CEP83: variants seen among roughly 807,000 people sequenced by gnomAD.
CEP83 encodes the protein centrosomal protein of 83 kDa.
A neutral mutation model predicts 101.9 loss-of-function variants in CEP83; 70 were observed. That is an observed-to-expected ratio of 0.69 (90% CI 0.57 to 0.84). The LOEUF (loss-of-function observed/expected upper bound fraction) is 0.84, where lower values mean the gene tolerates loss of function less well. CEP83 is among the 40% of genes least tolerant of loss of function. The pLI, the probability that CEP83 is intolerant of heterozygous loss-of-function variation, is 0.00. For synonymous variants in CEP83, 264 were observed against 267.9 expected, an observed-to-expected ratio of 0.99 and a Z score of 0.14; for missense variants, 715 against 787.2, an observed-to-expected ratio of 0.91 and a Z score of 1.10.
intron 11 of CEP83, among the ~76,000 whole-genome samples, chr12:94,348,641 CACT>C (rs1392870351): frequency 3.3e-5 from 5 of 152,116 alleles, no homozygotes; most frequent in Non-Finnish European, 7.3e-5. Context: ...GGCTCATGGT[CACT>C]GTTTGGTGGT....
At chr12:94,419,192 A>G (rs1009232479) in intron 2 of CEP83, among the ~76,000 whole-genome samples, 5 of 152,172 alleles carry the variant, frequency 3.3e-5, no homozygotes, top group African/African-American at 9.6e-5. Context: ...ATTGCATTCC[A>G]TATGCCAGCA....
At chr12:94,443,304 A>G (rs2066557171) in intron 1 of CEP83, among the ~76,000 whole-genome samples, 2 of 150,520 alleles carry the variant, frequency 1.3e-5, no homozygotes, top group African/African-American at 4.8e-5. Flanking sequence ...CCAAATTAAA[A>G]TACCTTCTTA....
chr12:94,423,905 T>C (rs2064982675), intron 2 of CEP83: 1 of 1,610,546 alleles, frequency 6.2e-7, no homozygotes, highest in Admixed American at 1.7e-5. Flanking sequence ...CGTCAGCATA[T>C]ACATGCCTGT....
chr12:94,414,246 T>C (rs1418718584), intron 2 of CEP83, among the ~76,000 whole-genome samples: 2 of 152,240 alleles, frequency 1.3e-5, no homozygotes, highest in Non-Finnish European at 2.9e-5. Context: ...AAGGAATTAA[T>C]GAATTGCATC....
intron 6 of CEP83, among the ~76,000 whole-genome samples, chr12:94,396,437 T>C (rs951770546): frequency 3.7e-4 from 56 of 151,736 alleles, no homozygotes; most frequent in Non-Finnish European, 7.2e-4. Context: ...TACAGGTGCG[T>C]GCCACCACAC....
rs142566661 is a variant in CEP83, at chr12:94,331,963, T to C, written c.1578-134A>G. 67 of 706,206 alleles carry C rather than the reference T, an allele frequency of 9.5e-5. No homozygotes were observed. The East Asian group carries it at 1.6e-3, about 17-fold the overall frequency. 43.7% of individuals were successfully genotyped at this position (706,206 alleles called of 1,614,324 possible). Reference sequence around the variant, plus strand: ...TTATCCAACTGCAGGCCCTCCTGTATGGCCACTTGTTTGGAAATCCCACCA... The same window carrying C: ...TTATCCAACTGCAGGCCCTCCTGTACGGCCACTTGTTTGGAAATCCCACCA... On this transcript the variant is annotated intron_variant, in intron 13 of 16. Transcript: ENST00000397809.
In CEP83 at chr12:94,345,671, C is replaced by T. The variant is rs375272707; in HGVS notation, c.1344-10007G>A. On this transcript the variant is annotated intron_variant, in intron 11 of 16. Coordinates refer to ENST00000397809, the MANE Select transcript of CEP83 (RefSeq NM_016122.3). The stretch of plus-strand genomic sequence containing the variant: ...TGAATTACCTTACCCGACAGCAGGT[C>T]ATAAGACCCGCATTTCTGAAGGGGT... 3.5e-4 allele frequency among the ~76,000 whole-genome samples: 54 copies of T among 152,274 alleles called. 1 individual carries two copies. In the South Asian group the frequency reaches 3.9e-3, roughly 11 times the overall value.
intron 14 of CEP83, among the ~76,000 whole-genome samples, chr12:94,322,926 C>G (rs1239524270): frequency 6.6e-6 from 1 of 152,202 alleles, no homozygotes; most frequent in East Asian, 1.9e-4. Flanking sequence ...GTCCCCCACC[C>G]ATTGAAAAGC....
At chr12:94,335,219 A>G (rs556209043) in intron 12 of CEP83, among the ~76,000 whole-genome samples, 1 of 152,300 alleles carries the variant, frequency 6.6e-6, no homozygotes, top group South Asian at 2.1e-4. Flanking sequence ...AAAATACCTC[A>G]TGATATAAAG....
chr12:94,344,588 A>G (rs984015445), intron 11 of CEP83, among the ~76,000 whole-genome samples: 3 of 152,162 alleles, frequency 2.0e-5, no homozygotes, highest in Non-Finnish European at 2.9e-5. Flanking sequence ...AATGAACTCC[A>G]TTTATACCAT....
Position 94,444,986 on chromosome 12 carries a change from T to A in CEP83, c.-154-9659A>T, listed in dbSNP as rs11107539. Among the ~76,000 whole-genome samples the A allele has an allele frequency of 9.1e-3, 1,380 of 152,048 alleles. 25 individuals are homozygous for A. The highest frequency in any genetic ancestry group is 0.032 in the African/African-American group (1,329 of 41,460). On this transcript the variant is annotated intron_variant, in intron 1 of 16. Coordinates refer to ENST00000397809, the MANE Select transcript of CEP83 (RefSeq NM_016122.3). ...TTTTCATAGAAATTAACAAGCTGAT[T>A]CTAAAATTCATATGGAAACACAAGG...
chr12:94,356,237 G>A lies in CEP83; in HGVS notation c.1343+11557C>T, dbSNP rs570837086. Among the ~76,000 whole-genome samples, 3 of 152,314 alleles carry A rather than the reference G, an allele frequency of 2.0e-5. No homozygotes were observed. In the East Asian group the frequency reaches 5.8e-4, roughly 29 times the overall value. On this transcript the variant is annotated intron_variant, in intron 11 of 16. Transcript: ENST00000397809. Reference sequence around the variant, plus strand: ...ATCAGGGTAACAATGGGATAGGTATGGGGTCTGGTTCGTTTCATCTTAGAA... The same window carrying A: ...ATCAGGGTAACAATGGGATAGGTATAGGGTCTGGTTCGTTTCATCTTAGAA...
chr12:94,418,415 T>G (rs149415620), intron 2 of CEP83, among the ~76,000 whole-genome samples: 2 of 152,000 alleles, frequency 1.3e-5, no homozygotes, highest in Non-Finnish European at 2.9e-5. Flanking sequence ...GATGAGCTCA[T>G]CAGCAGAAAT....
At chr12:94,302,106 G>T (rs1053436721), downstream of CEP83, among the ~76,000 whole-genome samples, 5 of 152,138 alleles carry the variant, frequency 3.3e-5, no homozygotes, top group Middle Eastern at 3.2e-3. Context: ...TAAATCTGAT[G>T]ATGTCAGTCT....
chr12:94,411,945 C>A, intron 3 of CEP83, 98 bp from the exon 4 acceptor site: 1 of 862,920 alleles, frequency 1.2e-6, no homozygotes, highest in Non-Finnish European at 1.8e-6. Flanking sequence ...AAAACAAGAC[C>A]AATATCACAC....
chr12:94,279,877 GT>G, the CEP83 span: 1 of 678,880 alleles, frequency 1.5e-6, no homozygotes, highest in South Asian at 1.5e-5. Flanking sequence ...GGCGTTTGTT[GT>G]TGTTGTCTTT....
intron 6 of CEP83, among the ~76,000 whole-genome samples, chr12:94,395,176 G>A (rs1221558277): frequency 6.6e-6 from 1 of 151,844 alleles, no homozygotes; most frequent in Non-Finnish European, 1.5e-5. Context: ...CACACACTGG[G>A]GCCTGTCAGG....
At chr12:94,278,062 C>A in the CEP83 span, 126 of 456,084 alleles carry the variant, frequency 2.8e-4, no homozygotes, top group East Asian at 8.3e-3. Context: ...GGAGCCCCCC[C>A]TCCCTCTGTC....
At chr12:94,397,954 C>T (rs547484671) in intron 6 of CEP83, among the ~76,000 whole-genome samples, 29 of 152,246 alleles carry the variant, frequency 1.9e-4, no homozygotes, top group South Asian at 4.2e-4. Context: ...TTCAAACTGC[C>T]GGTCACCTTC....
Sources: allele counts gnomAD v4.1 joint callset (sites outside exome capture counted in the v4.1 genomes callset), GRCh38; gene constraint gnomAD v4.1.1; transcripts MANE v1.5; gene names NCBI Gene and HGNC (gene_info 2026-07-23, HGNC 2026-07-21).